HIVEP2: variants seen among roughly 807,000 people sequenced by gnomAD.
The protein encoded by HIVEP2 is transcription factor HIVEP2.
HIVEP2 carries 14 observed loss-of-function variants against 180.7 expected under a neutral mutation model. The observed-to-expected ratio is 0.08, with a 90% CI of 0.05 to 0.12. The LOEUF is 0.12. Among genes scored for constraint, HIVEP2 ranks in the 10% least tolerant of loss-of-function variants. HIVEP2 has a pLI of 1.00. For synonymous variants in HIVEP2, 1,184 were observed against 1,136.4 expected (o/e 1.04, Z -0.84); for missense variants, 2,579 against 3,008.5 (o/e 0.86, Z 3.34).
Position 142,761,475 on chromosome 6 carries a change from G to A in HIVEP2, c.5609C>T (p.Thr1870Ile), listed in dbSNP as rs752786182. ...TATGACATACACACCTGCTTCCTCAGTTTCTGTATCATCCACCGATGTCAT... is the reference window on the plus strand; with the variant it reads ...TATGACATACACACCTGCTTCCTCAATTTCTGTATCATCCACCGATGTCAT... Reference protein sequence around the residue: ...VSMTSVDDTETEEAENLEDLH... With the variant: ...VSMTSVDDTEIEEAENLEDLH... Residue 1870 changes from threonine (T) to isoleucine (I), a missense_variant, in exon 8 of 10, where the codon ACT becomes ATT. Thr to Ile is a moderately conservative substitution (Grantham distance 89). Transcript: ENST00000367603. 6.3e-7 allele frequency: 1 copy of A among 1,582,238 alleles called. No homozygotes were observed. Among genetic ancestry groups the A allele is most frequent in the East Asian group, 2.2e-5 (1 of 44,704 alleles).
At chr6:142,923,947 G>C (rs1777740489) in intron 1 of HIVEP2, among the ~76,000 whole-genome samples, 1 of 152,226 alleles carries the variant, frequency 6.6e-6, no homozygotes, top group Non-Finnish European at 1.5e-5. Context: ...GCTAGGTAAA[G>C]GCCGAGGGTT....
chr6:142,922,266 G>T (rs1777701701), intron 1 of HIVEP2, among the ~76,000 whole-genome samples: 1 of 152,158 alleles, frequency 6.6e-6, no homozygotes, highest in South Asian at 2.1e-4. Context: ...CACCTCTTCT[G>T]CAAGGAGGGT....
chr6:142,898,456 G>C (rs906976544), intron 1 of HIVEP2, among the ~76,000 whole-genome samples: 4 of 152,086 alleles, frequency 2.6e-5, no homozygotes, highest in African/African-American at 9.7e-5. Flanking sequence ...GAGGTCAGGA[G>C]TTCAAGACCA....
intron 1 of HIVEP2, among the ~76,000 whole-genome samples, chr6:142,855,422 T>C (rs978397088): frequency 3.9e-5 from 6 of 152,212 alleles, no homozygotes; most frequent in African/African-American, 1.4e-4. Context: ...GAGCACCATC[T>C]TATCATTAGG....
intron 1 of HIVEP2, among the ~76,000 whole-genome samples, chr6:142,881,176 T>G (rs1776567056): frequency 6.6e-6 from 1 of 152,194 alleles, no homozygotes. Flanking sequence ...TGAATACCTC[T>G]CCACTCATAT....
chr6:142,796,796 C>T (rs537292520), intron 2 of HIVEP2, among the ~76,000 whole-genome samples: 18 of 152,272 alleles, frequency 1.2e-4, no homozygotes, highest in African/African-American at 4.1e-4. Flanking sequence ...CTTTTTATTG[C>T]GTCTGCACTT....
chr6:142,773,124 G>T lies in HIVEP2; in HGVS notation c.1615C>A (p.Pro539Thr), dbSNP rs751248666. ...VLLEAPVDSS[P>T]LIRSNSVPTS... Reference sequence around the variant, plus strand: ...GGCACTGAGTTGCTTCTAATAAGGGGTGAAGAGTCTACAGGAGCTTCTAAG... The same window carrying T: ...GGCACTGAGTTGCTTCTAATAAGGGTTGAAGAGTCTACAGGAGCTTCTAAG... The change falls in exon 5 of 10, where the codon CCC (proline) becomes ACC (threonine). Residue 539 changes from proline to threonine, a missense_variant. Transcript: ENST00000367603. The T allele has an allele frequency of 2.5e-6, 4 of 1,614,096 alleles. No homozygotes were observed. The highest frequency in any genetic ancestry group is 2.2e-5 in the South Asian group (2 of 91,090).
At chr6:142,812,819 T>A (rs1333112399) in intron 2 of HIVEP2, among the ~76,000 whole-genome samples, 1 of 152,152 alleles carries the variant, frequency 6.6e-6, no homozygotes, top group Admixed American at 6.5e-5. Context: ...AGTTCAAAAT[T>A]TGATATATAT....
intron 2 of HIVEP2, among the ~76,000 whole-genome samples, chr6:142,821,802 A>G (rs961068283): frequency 1.3e-5 from 2 of 152,164 alleles, no homozygotes; most frequent in Admixed American, 1.3e-4. Context: ...TAAATATTCT[A>G]TTGTTTCTGT....
chr6:142,933,036 A>G (rs1249958466), intron 1 of HIVEP2, among the ~76,000 whole-genome samples: 1 of 152,238 alleles, frequency 6.6e-6, no homozygotes, highest in African/African-American at 2.4e-5. Context: ...ATCACAATGA[A>G]AGGAAGAAGT....
chr6:142,840,703 T>C (rs999657005), intron 1 of HIVEP2, among the ~76,000 whole-genome samples: 18 of 152,274 alleles, frequency 1.2e-4, no homozygotes, highest in East Asian at 9.6e-4. Context: ...ACATTTCAAA[T>C]GTTCTCACTA....
At position 142,772,447 on chromosome 6, in the gene HIVEP2, T is replaced by C. The variant is rs1188145395; in HGVS notation, c.2292A>G (p.Gln764=). The C allele has an allele frequency of 6.2e-7, 1 of 1,614,166 alleles. No individual in the cohort carries two copies. The highest frequency in any genetic ancestry group is 1.1e-5 in the South Asian group (1 of 91,082). ...CAAGAGATGGACTTCCAGGCTGCAG[T>C]TGGGGCCGACATGGGTCAAAGCGTT... ...HTERFDPCRP[Q]LQPGSPSLVS... Residue 764 remains glutamine (Q), a synonymous_variant, in exon 5 of 10, where the codon CAA becomes CAG. Transcript: ENST00000367603. This position sits in a 1 kb window ranked among gnomAD's most constrained non-coding sequence, Gnocchi z 4.9.
chr6:142,866,089 G>A (rs981947360), intron 1 of HIVEP2, among the ~76,000 whole-genome samples: 3 of 147,774 alleles, frequency 2.0e-5, no homozygotes, highest in African/African-American at 7.4e-5. Flanking sequence ...GGGCTGTGGT[G>A]GAAATTAAAT....
At chr6:142,926,503 T>TTTGG (rs1174203063) in intron 1 of HIVEP2, among the ~76,000 whole-genome samples, 2 of 152,228 alleles carry the variant, frequency 1.3e-5, no homozygotes, top group Admixed American at 6.5e-5. Context: ...CTGTGAGGGC[T>TTTGG]TTGTGAAAAG....
chr6:142,761,641 C>A, intron 7 of HIVEP2, 76 bp from the exon 8 acceptor site: 1 of 832,470 alleles, frequency 1.2e-6, no homozygotes, highest in South Asian at 1.3e-5. Flanking sequence ...GCTCCAAATT[C>A]AATGTGAAAT....
In HIVEP2 at chr6:142,770,093, G is replaced by T. The variant is rs1201728020; in HGVS notation, c.4646C>A (p.Ala1549Glu). The T allele has an allele frequency of 6.2e-7, 1 of 1,614,120 alleles. No homozygotes were observed. The highest frequency in any genetic ancestry group is 8.5e-7 in the Non-Finnish European group (1 of 1,180,058). ...ACTGGACTTCTGCCCCGGAAGTGGTGCCCGGGAACCGGAAAGCATCTCCTT... is the reference window on the plus strand; with the variant it reads ...ACTGGACTTCTGCCCCGGAAGTGGTTCCCGGGAACCGGAAAGCATCTCCTT... The part of the protein sequence containing the change: ...PSKEMLSGSR[A>E]PLPGQKSSGP... The change falls in exon 5 of 10, where the codon GCA (alanine) becomes GAA (glutamate). Residue 1549 changes from alanine to glutamate, a missense_variant. By Grantham distance (107) the Ala-to-Glu change is moderately radical. Coordinates refer to ENST00000367603, the MANE Select transcript of HIVEP2 (RefSeq NM_006734.4). The surrounding 1 kb of genome is among the most constrained non-coding windows in gnomAD (Gnocchi z 4.7).
chr6:142,944,041 G>T (rs1273063128), intron 1 of HIVEP2, among the ~76,000 whole-genome samples: 1 of 152,192 alleles, frequency 6.6e-6, no homozygotes, highest in Non-Finnish European at 1.5e-5. Flanking sequence ...AAGCTTTCCC[G>T]TTAGGGAAGA....
chr6:142,875,686 T>C (rs1055644293), intron 1 of HIVEP2, among the ~76,000 whole-genome samples: 1 of 152,156 alleles, frequency 6.6e-6, no homozygotes, highest in African/African-American at 2.4e-5. Context: ...GGATGAATTC[T>C]GGAATTATGG....
chr6:142,788,297 T>TA (rs1351544993), intron 2 of HIVEP2: 1 of 113,890 alleles, frequency 8.8e-6, no homozygotes, highest in Non-Finnish European at 1.8e-5. Flanking sequence ...CCCTAAAACT[T>TA]AAAGTATAAT....
Sources: allele counts gnomAD v4.1 joint callset (sites outside exome capture counted in the v4.1 genomes callset), GRCh38; gene constraint gnomAD v4.1.1; non-coding constraint Gnocchi (gnomAD v3.1); transcripts MANE v1.5; gene names NCBI Gene and HGNC (gene_info 2026-07-23, HGNC 2026-07-21).